The following CHMP2B variants were observed in gnomAD, a reference collection of about 807,000 sequenced individuals.
CHMP2B encodes VPS2 homolog B.
Under a neutral mutation model 29.8 loss-of-function variants are expected in CHMP2B, and 22 were observed. The ratio of observed to expected loss-of-function variants is 0.74; its 90% confidence interval spans 0.53 to 1.05. The LOEUF (loss-of-function observed/expected upper bound fraction) is 1.05. Among genes scored for constraint, CHMP2B ranks in the 50% least tolerant of loss-of-function variants. The pLI is 0.00. For missense variants in CHMP2B, 261 were observed against 252.2 expected (o/e 1.03, Z -0.24); for synonymous variants, 78 against 75.8 (o/e 1.03, Z -0.15).
chr3:87,252,646 T>G (rs1411533998), intron 4 of CHMP2B, among the ~76,000 whole-genome samples: 1 of 151,992 alleles, frequency 6.6e-6, no homozygotes, highest in Non-Finnish European at 1.5e-5. Flanking sequence ...TTTTTTCTTT[T>G]ATACTCAAGT....
At chr3:87,230,570 C>T (rs1487890677) in intron 1 of CHMP2B, among the ~76,000 whole-genome samples, 1 of 152,128 alleles carries the variant, frequency 6.6e-6, no homozygotes, top group East Asian at 1.9e-4. Flanking sequence ...CCAGACTTTT[C>T]TTTCGGAATT....
At chr3:87,229,239 T>G (rs2106888857) in intron 1 of CHMP2B, among the ~76,000 whole-genome samples, 1 of 152,230 alleles carries the variant, frequency 6.6e-6, no homozygotes, top group Middle Eastern at 3.4e-3. Context: ...AAAAAGACAA[T>G]GGGGATGTGC....
chr3:87,242,432 A>G (rs1047565354), intron 2 of CHMP2B, among the ~76,000 whole-genome samples: 2 of 152,090 alleles, frequency 1.3e-5, no homozygotes, highest in Admixed American at 6.5e-5. Context: ...ACTTGTCACA[A>G]TTAGAGTGTA....
intron 3 of CHMP2B, among the ~76,000 whole-genome samples, chr3:87,246,258 C>T (rs1706212077): frequency 6.6e-6 from 1 of 152,020 alleles, no homozygotes; most frequent in Non-Finnish European, 1.5e-5. Context: ...CTGCCTCAGC[C>T]TCCTGAGTAG....
At chr3:87,243,069 A>G (rs936832846) in intron 2 of CHMP2B, among the ~76,000 whole-genome samples, 15 of 152,188 alleles carry the variant, frequency 9.9e-5, no homozygotes, top group African/African-American at 1.2e-4. Flanking sequence ...CAGAAGACAT[A>G]TTAACATTAT....
chr3:87,239,458 T>C (rs932206832), intron 1 of CHMP2B, among the ~76,000 whole-genome samples: 2 of 152,174 alleles, frequency 1.3e-5, no homozygotes, highest in African/African-American at 4.8e-5. Context: ...GGTCCAACTT[T>C]ATTCTTTTTC....
intron 1 of CHMP2B, among the ~76,000 whole-genome samples, chr3:87,239,449 G>A (rs779502937): frequency 5.1e-4 from 78 of 152,072 alleles, no homozygotes; most frequent in Non-Finnish European, 3.4e-4. Flanking sequence ...TGACGTAAAG[G>A]TCCAACTTTA....
chr3:87,231,783 C>T (rs1339895864), intron 1 of CHMP2B, among the ~76,000 whole-genome samples: 1 of 152,090 alleles, frequency 6.6e-6, no homozygotes, highest in Non-Finnish European at 1.5e-5. Context: ...CCCTTTTTAT[C>T]TTCCTCTAGC....
chr3:87,247,853 C>G (rs1706242522), intron 3 of CHMP2B, among the ~76,000 whole-genome samples: 1 of 152,130 alleles, frequency 6.6e-6, no homozygotes, highest in South Asian at 2.1e-4. Context: ...GGTGGACACC[C>G]TAAACACTCT....
intron 4 of CHMP2B, chr3:87,252,905 G>A (rs1706340707): frequency 6.3e-6 from 1 of 159,618 alleles, no homozygotes; most frequent in South Asian, 1.8e-4. Flanking sequence ...CATTCTTTGG[G>A]CAAATTTAAT....
At chr3:87,231,376 G>C (rs1440388902) in intron 1 of CHMP2B, among the ~76,000 whole-genome samples, 1 of 152,030 alleles carries the variant, frequency 6.6e-6, no homozygotes, top group Non-Finnish European at 1.5e-5. Flanking sequence ...TGGACACATA[G>C]GATCTTCCTC....
intron 3 of CHMP2B, among the ~76,000 whole-genome samples, chr3:87,247,418 T>C (rs914786838): frequency 2.6e-5 from 4 of 152,178 alleles, no homozygotes; most frequent in Admixed American, 2.6e-4. Flanking sequence ...GTTAATACAA[T>C]GCTTGGGGAT....
chr3:87,235,865 T>G (rs1705998919), intron 1 of CHMP2B, among the ~76,000 whole-genome samples: 2 of 152,340 alleles, frequency 1.3e-5, no homozygotes, highest in Admixed American at 6.5e-5. Context: ...TGGTGAGTAC[T>G]TCTGACTGAC....
At chr3:87,242,889 C>T (rs1706145314) in intron 2 of CHMP2B, among the ~76,000 whole-genome samples, 1 of 151,978 alleles carries the variant, frequency 6.6e-6, no homozygotes, top group South Asian at 2.1e-4. Flanking sequence ...CTTTGTACTT[C>T]TTTTTTCATA....
chr3:87,233,763 A>C (rs1559605495), intron 1 of CHMP2B, among the ~76,000 whole-genome samples: 1 of 152,188 alleles, frequency 6.6e-6, no homozygotes, highest in African/African-American at 2.4e-5. Flanking sequence ...ATGTGGGAAC[A>C]TTTTGTTTCT....
chr3:87,250,351 C>A (rs1363451936), intron 4 of CHMP2B, among the ~76,000 whole-genome samples: 1 of 151,528 alleles, frequency 6.6e-6, no homozygotes. Flanking sequence ...ACTTTTTTTC[C>A]CTCTCACAAG....
chr3:87,247,049 A>G (rs1706226749), intron 3 of CHMP2B, among the ~76,000 whole-genome samples: 1 of 152,190 alleles, frequency 6.6e-6, no homozygotes, highest in South Asian at 2.1e-4. Context: ...CCTCAGAGGA[A>G]AGTACAAGCT....
At chr3:87,251,913 C>G (rs1425998955) in intron 4 of CHMP2B, among the ~76,000 whole-genome samples, 2 of 151,376 alleles carry the variant, frequency 1.3e-5, no homozygotes, top group Non-Finnish European at 3.0e-5. Flanking sequence ...GACTTTGCAT[C>G]TCCTGTATTA....
At position 87,253,913 on chromosome 3, in the gene CHMP2B, G is replaced by C; in HGVS notation, c.*91G>C. 1 of 794,996 alleles carries C rather than the reference G, an allele frequency of 1.3e-6. No homozygotes were observed. The highest frequency in any genetic ancestry group is 1.7e-5 in the South Asian group (1 of 59,572). The allele number at this position is 794,996 out of a possible 1,614,324, so 49.2% of individuals were successfully genotyped here. ...TTCTTTTACAAAACACATGTATTTT[G>C]CAAAAAAAAAAAAAATGAAGACCAT... On this transcript the variant is annotated 3_prime_UTR_variant, in exon 6 of 6. Transcript: ENST00000263780.
Sources: allele counts gnomAD v4.1 joint callset (sites outside exome capture counted in the v4.1 genomes callset), GRCh38; gene constraint gnomAD v4.1.1; transcripts MANE v1.5; gene names NCBI Gene and HGNC (gene_info 2026-07-23, HGNC 2026-07-21).